NLGN1: variants seen among roughly 807,000 people sequenced by gnomAD.
NLGN1 encodes neuroligin 1.
In NLGN1, 12 loss-of-function variants were observed where a neutral mutation model predicts 65.5. The observed-to-expected ratio is 0.18, with a 90% confidence interval of 0.12 to 0.30. NLGN1 has a LOEUF of 0.30. Ranked by LOEUF, NLGN1 falls within the 10% of genes least tolerant of loss-of-function variation. The pLI is 1.00. For missense variants in NLGN1, 750 were observed against 1,007.1 expected (o/e 0.74, Z 3.46); for synonymous variants, 350 against 359.5 (o/e 0.97, Z 0.30).
chr3:173,874,769 G>C (rs1731815039), intron 4 of NLGN1, among the ~76,000 whole-genome samples: 1 of 152,124 alleles, frequency 6.6e-6, no homozygotes, highest in Non-Finnish European at 1.5e-5. Context: ...AGACCACTAA[G>C]TAAAATGTAC....
intron 4 of NLGN1, among the ~76,000 whole-genome samples, chr3:173,887,255 G>T (rs1390993412): frequency 6.6e-6 from 1 of 151,952 alleles, no homozygotes; most frequent in African/African-American, 2.4e-5. Context: ...TTCATTTGGG[G>T]AGATTCTACC....
At chr3:174,021,810 T>C (rs1727800898) in intron 4 of NLGN1, among the ~76,000 whole-genome samples, 1 of 152,122 alleles carries the variant, frequency 6.6e-6, no homozygotes, top group Admixed American at 6.6e-5. Context: ...CTTTTTTGCA[T>C]GAGATAGTTT....
chr3:173,504,760 T>G (rs1034147260), intron 2 of NLGN1, among the ~76,000 whole-genome samples: 1 of 152,120 alleles, frequency 6.6e-6, no homozygotes, highest in Non-Finnish European at 1.5e-5. Context: ...ATTGGTGATC[T>G]CTCAGCAACA....
chr3:173,819,501 A>G (rs1415577045), intron 4 of NLGN1, among the ~76,000 whole-genome samples: 1 of 152,184 alleles, frequency 6.6e-6, no homozygotes, highest in South Asian at 2.1e-4. Flanking sequence ...CAGGCAGGCC[A>G]TGCTAGACTC....
At chr3:173,978,926 AC>A (rs199527118) in intron 4 of NLGN1, among the ~76,000 whole-genome samples, 3,710 of 151,562 alleles carry the variant, frequency 0.024, 142 homozygotes, top group African/African-American at 0.08. Flanking sequence ...AATCACTTGA[AC>A]CCTGGAGGCA....
At chr3:174,036,597 T>C (rs1731186535) in intron 4 of NLGN1, among the ~76,000 whole-genome samples, 1 of 151,558 alleles carries the variant, frequency 6.6e-6, no homozygotes, top group Non-Finnish European at 1.5e-5. Flanking sequence ...TTTTTTTTTT[T>C]TTCAAATTTA....
chr3:174,184,771 T>A (rs935361578), intron 4 of NLGN1, among the ~76,000 whole-genome samples: 3 of 152,170 alleles, frequency 2.0e-5, no homozygotes, highest in African/African-American at 7.2e-5. Context: ...AGCTAGTTTA[T>A]AAGCTATATC....
rs367690157 is a variant in NLGN1 at position 173,457,947 on chromosome 3, G to T, written c.-321+22869G>T. Among the ~76,000 whole-genome samples the T allele has an allele frequency of 6.6e-5, 10 of 152,034 alleles. No individual in the cohort carries two copies. In the East Asian group the frequency reaches 1.9e-3, roughly 29 times the overall value. ...TTAGGGAGATGGGTAATAGGTAATT[G>T]TTGCAGAACCAGGAGTTCTGAGATT... On this transcript the variant is annotated intron_variant, in intron 2 of 6. Transcript: ENST00000457714.
chr3:173,883,735 C>T (rs1383847922), intron 4 of NLGN1, among the ~76,000 whole-genome samples: 1 of 151,476 alleles, frequency 6.6e-6, no homozygotes, highest in Non-Finnish European at 1.5e-5. Flanking sequence ...TTGTAATTGC[C>T]CATGTTGACA....
At chr3:173,756,368 G>C (rs1159785982) in intron 3 of NLGN1, among the ~76,000 whole-genome samples, 2 of 151,690 alleles carry the variant, frequency 1.3e-5, no homozygotes, top group Non-Finnish European at 2.9e-5. Context: ...ACAAGTCATG[G>C]ATTCATTAGT....
chr3:173,470,654 G>T (rs965879430), intron 2 of NLGN1, among the ~76,000 whole-genome samples: 36 of 152,194 alleles, frequency 2.4e-4, no homozygotes, highest in African/African-American at 8.4e-4. Flanking sequence ...TTAAATGAGA[G>T]AACATTTCCA....
intron 3 of NLGN1, among the ~76,000 whole-genome samples, chr3:173,767,825 A>G (rs1778999885): frequency 6.6e-6 from 1 of 152,120 alleles, no homozygotes; most frequent in Non-Finnish European, 1.5e-5. Flanking sequence ...AAATGCGTCT[A>G]GACAAATCAT....
intron 2 of NLGN1, among the ~76,000 whole-genome samples, chr3:173,543,659 G>C (rs1379012341): frequency 6.6e-6 from 1 of 151,884 alleles, no homozygotes; most frequent in Non-Finnish European, 1.5e-5. Flanking sequence ...AAAGAACCTT[G>C]GATTTTTAAA....
chr3:173,500,924 A>G (rs1389599511), intron 2 of NLGN1, among the ~76,000 whole-genome samples: 1 of 151,930 alleles, frequency 6.6e-6, no homozygotes, highest in Non-Finnish European at 1.5e-5. Context: ...TTAGGAAGGG[A>G]ACCAGGTATT....
chr3:173,619,175 A>G (rs1213045033), intron 3 of NLGN1, among the ~76,000 whole-genome samples: 1 of 152,174 alleles, frequency 6.6e-6, no homozygotes. Context: ...GAGAGATGAT[A>G]GAATAGAAAC....
chr3:174,125,388 T>C (rs1718716871), intron 4 of NLGN1, among the ~76,000 whole-genome samples: 2 of 152,106 alleles, frequency 1.3e-5, no homozygotes, highest in Admixed American at 1.3e-4. Context: ...ATTGACTGTA[T>C]ATGAGCACAA....
intron 1 of NLGN1, chr3:173,399,524 T>G (rs1236472960): frequency 6.6e-6 from 1 of 152,240 alleles, no homozygotes; most frequent in Non-Finnish European, 1.5e-5. Context: ...GCTTTGAAGT[T>G]GAAGGTGAAA....
chr3:173,524,134 G>A (rs536289708), intron 2 of NLGN1, among the ~76,000 whole-genome samples: 2 of 151,228 alleles, frequency 1.3e-5, no homozygotes, highest in Non-Finnish European at 3.0e-5. Flanking sequence ...CACCATGTTA[G>A]CCAGGATGGT....
chr3:174,024,364 G>A (rs1317110068), intron 4 of NLGN1, among the ~76,000 whole-genome samples: 1 of 152,022 alleles, frequency 6.6e-6, no homozygotes, highest in Non-Finnish European at 1.5e-5. Context: ...TGAGTAATGC[G>A]GCCATGAGAA....
Sources: allele counts gnomAD v4.1 joint callset (sites outside exome capture counted in the v4.1 genomes callset), GRCh38; gene constraint gnomAD v4.1.1; transcripts MANE v1.5; gene names NCBI Gene and HGNC (gene_info 2026-07-23, HGNC 2026-07-21).